The following SPACA6 variants were observed in gnomAD, a reference collection of about 807,000 sequenced individuals.
SPACA6 encodes sperm acrosome associated 6.
For synonymous variants in SPACA6, 6 were observed against 1.5 expected, an observed-to-expected ratio of 4.05 and a Z score of -2.21; for missense variants, 8 against 2.8, an observed-to-expected ratio of 2.88 and a Z score of -1.34.
Position 51,703,715 on chromosome 19 carries a change from T to G in SPACA6, c.574-315T>G, listed in dbSNP as rs1005989532. Among the ~76,000 whole-genome samples, 1 of 152,040 alleles carries G rather than the reference T, an allele frequency of 6.6e-6. No individual in the cohort carries two copies. Among genetic ancestry groups the G allele is most frequent in the Non-Finnish European group, 1.5e-5 (1 of 68,006 alleles). On this transcript the variant is annotated intron_variant, in intron 6 of 8. Transcript: ENST00000637797. The surrounding 1 kb of genome is among the most constrained non-coding windows in gnomAD (Gnocchi z 4.2). Reference sequence around the variant, plus strand: ...TGGGGAGGCTGAGCGGGAAGACTGCTTAAGTCCAGGAGTTTGAGGCTGCAG... The same window carrying G: ...TGGGGAGGCTGAGCGGGAAGACTGCGTAAGTCCAGGAGTTTGAGGCTGCAG...
downstream of SPACA6, among the ~76,000 whole-genome samples, chr19:51,710,117 G>A (rs1036017968): frequency 6.6e-6 from 1 of 152,202 alleles, no homozygotes; most frequent in Non-Finnish European, 1.5e-5. Context: ...AATCAACTCA[G>A]GTAGCTGTAA....
chr19:51,712,725 T>C (rs1177935543), downstream of SPACA6, among the ~76,000 whole-genome samples: 2 of 151,924 alleles, frequency 1.3e-5, no homozygotes, highest in East Asian at 1.9e-4. Flanking sequence ...CCAGCAGAAG[T>C]TTTCTTTTTT....
At chr19:51,709,643 A>C (rs2083533201), downstream of SPACA6, among the ~76,000 whole-genome samples, 3 of 151,896 alleles carry the variant, frequency 2.0e-5, no homozygotes, top group East Asian at 5.8e-4. Flanking sequence ...AAAAGAAATA[A>C]AAGATGAGCG....
At chr19:51,707,434 G>A (rs1384725140), downstream of SPACA6, among the ~76,000 whole-genome samples, 1 of 152,078 alleles carries the variant, frequency 6.6e-6, no homozygotes, top group Non-Finnish European at 1.5e-5. Context: ...TGTTGGCCAG[G>A]CTGGTCTCAA....
In SPACA6 at chr19:51,701,511, G is replaced by A. The variant is rs2083468250; in HGVS notation, c.293-147G>A. ...ATGGTAATGAGAGGGGTGAAGAGGG[G>A]CCAGGGAAGGGCAGATACCATGACA... is the stretch of plus-strand genomic sequence containing the variant. On this transcript the variant is annotated intron_variant, in intron 2 of 8. Coordinates refer to ENST00000637797, the MANE Select transcript of SPACA6 (RefSeq NM_001316972.2). 8 of 383,566 alleles carry A rather than the reference G, an allele frequency of 2.1e-5. No individual in the cohort carries two copies. In the South Asian group the frequency reaches 1.1e-3, roughly 55 times the overall value. 23.8% of individuals were successfully genotyped at this position (383,566 alleles called of 1,614,324 possible). A position where few individuals can be genotyped will look rare whatever the true frequency, so the allele number is the denominator to read the frequency against.
At chr19:51,699,783 T>C (rs1016757566) in intron 2 of SPACA6, among the ~76,000 whole-genome samples, 9 of 152,098 alleles carry the variant, frequency 5.9e-5, no homozygotes, top group Non-Finnish European at 1.3e-4. Flanking sequence ...TACTGGGAGT[T>C]AGGACTTCAA....
intron 2 of SPACA6, among the ~76,000 whole-genome samples, chr19:51,710,472 T>G (rs2122237357): frequency 6.6e-6 from 1 of 152,230 alleles, no homozygotes; most frequent in South Asian, 2.1e-4. Flanking sequence ...GATAGACTGA[T>G]GGAGGAGCAG....
the SPACA6 span, among the ~76,000 whole-genome samples, chr19:51,683,860 T>C: frequency 6.6e-6 from 1 of 152,202 alleles, no homozygotes; most frequent in Non-Finnish European, 1.5e-5. Context: ...TGAGCCAGGA[T>C]TCAAACCTGA....
Position 51,693,338 on chromosome 19 carries a change from C to T in SPACA6, c.-189C>T. On this transcript the variant is annotated 5_prime_UTR_variant, in exon 1 of 9. Coordinates refer to ENST00000637797, the MANE Select transcript of SPACA6 (RefSeq NM_001316972.2). Reference sequence around the variant, plus strand: ...AGGTTCTTGGGAGCCTGGCGTCTGGCCCAACCACACACCTGGGGAATTGCT... The same window carrying T: ...AGGTTCTTGGGAGCCTGGCGTCTGGTCCAACCACACACCTGGGGAATTGCT... 2.7e-6 allele frequency: 2 copies of T among 747,464 alleles called. No homozygotes were observed. Among genetic ancestry groups the T allele is most frequent in the South Asian group, 1.4e-5 (1 of 70,024 alleles). The allele number at this position is 747,464 out of a possible 1,614,324, so 46.3% of individuals were successfully genotyped here.
chr19:51,702,532 G>T, intron 3 of SPACA6, 97 bp from the exon 4 acceptor site: 1 of 398,644 alleles, frequency 2.5e-6, no homozygotes, highest in South Asian at 1.3e-4. Flanking sequence ...CGCCCCCTCG[G>T]AGCAATGCTT....
At chr19:51,711,429 C>T (rs1413273577) in intron 2 of SPACA6, among the ~76,000 whole-genome samples, 1 of 152,202 alleles carries the variant, frequency 6.6e-6, no homozygotes, top group Non-Finnish European at 1.5e-5. Context: ...AACCCTCATA[C>T]ATTGCTGGTG....
chr19:51,705,716 A>T (rs2083512869), downstream of SPACA6, among the ~76,000 whole-genome samples: 1 of 125,038 alleles, frequency 8.0e-6, no homozygotes, highest in East Asian at 2.2e-4. Flanking sequence ...ATTTTTTTGG[A>T]GGCACCATCT....
chr19:51,692,580 G>GGAGGGGCC (rs1568614253), upstream of SPACA6: 1 of 515,140 alleles, frequency 1.9e-6, no homozygotes, highest in African/African-American at 2.0e-5. This position sits in a 1 kb window ranked among gnomAD's most constrained non-coding sequence, Gnocchi z 5.6. Context: ...TCCTTGGGGA[G>GGAGGGGCC]GAGGGGCCGG....
upstream of SPACA6, among the ~76,000 whole-genome samples, chr19:51,690,214 G>GC (rs1425836860): frequency 6.6e-6 from 1 of 150,440 alleles, no homozygotes; most frequent in Non-Finnish European, 1.5e-5. Context: ...CAGAATCCGA[G>GC]CCCCCAGCCC....
upstream of SPACA6, chr19:51,692,964 G>C: frequency 2.2e-6 from 1 of 457,070 alleles, no homozygotes; most frequent in South Asian, 1.6e-5. The surrounding 1 kb of genome is among the most constrained non-coding windows in gnomAD (Gnocchi z 5.6). Context: ...AGGAAGAGCC[G>C]GGCTCTTTTC....
chr19:51,695,823 G>A lies in SPACA6; in HGVS notation c.292+1268G>A, dbSNP rs192658433. On this transcript the variant is annotated intron_variant, in intron 2 of 8. Coordinates refer to ENST00000637797, the MANE Select transcript of SPACA6 (RefSeq NM_001316972.2). ...CCAGGCCAGAGCGGAGGCCCGAGTG[G>A]GGGCTGGGGCCGTGAAGGTGGAGAA... 3.2e-4 allele frequency among the ~76,000 whole-genome samples: 49 copies of A among 152,340 alleles called. No individual in the cohort carries two copies. The East Asian group carries it at 7.9e-3, about 25-fold the overall frequency.
downstream of SPACA6, among the ~76,000 whole-genome samples, chr19:51,706,681 T>C (rs540338069): frequency 3.3e-5 from 5 of 152,212 alleles, no homozygotes; most frequent in Admixed American, 3.3e-4. Flanking sequence ...TTTTTTTTTT[T>C]TGAGTTTCGC....
downstream of SPACA6, among the ~76,000 whole-genome samples, chr19:51,706,784 C>T (rs142980885): frequency 0.018 from 2,737 of 152,238 alleles, 36 homozygotes; most frequent in Non-Finnish European, 0.028. Context: ...CTCAGCCTCC[C>T]GAGTAGCTGG....
In SPACA6 at chr19:51,693,576, T is replaced by C; in HGVS notation, c.50T>C (p.Leu17Pro). The change falls in exon 1 of 9, where the codon CTG becomes CCG. Residue 17 changes from leucine to proline, a missense_variant. By Grantham distance (98) the Leu-to-Pro change is moderately conservative. Transcript: ENST00000637797. ...GCCGTCCCGTCTGCCCTGCTGGCCC[T>C]GGCTGTCTTCAGGGTGCCCGCCTGG... ...ASAVPSALLA[L>P]AVFRVPAWAC... The C allele has an allele frequency of 2.3e-6, 1 of 442,462 alleles. No individual in the cohort carries two copies. The highest frequency in any genetic ancestry group is 6.6e-5 in the South Asian group (1 of 15,168). The allele number at this position is 442,462 out of a possible 1,614,324, so 27.4% of individuals were successfully genotyped here.
Sources: gnomAD v4.1 joint callset for allele counts (sites outside exome capture counted in the v4.1 genomes callset) on GRCh38, gnomAD v4.1.1 for gene constraint, Gnocchi (gnomAD v3.1) non-coding constraint, MANE v1.5 for transcripts, NCBI Gene and HGNC (gene_info 2026-07-23, HGNC 2026-07-21) for gene names.